The following INHBA variants were observed in gnomAD, a reference collection of about 807,000 sequenced individuals.
INHBA encodes inhibin subunit beta A.
A neutral mutation model predicts 29.0 loss-of-function variants in INHBA; 1 was observed. That is an observed-to-expected ratio of 0.03 (90% CI 0.01 to 0.16). INHBA has a LOEUF of 0.16. INHBA is among the 10% of genes least tolerant of loss of function. INHBA has a pLI of 1.00. For missense variants in INHBA, 376 were observed against 545.4 expected (o/e 0.69, Z 3.09); for synonymous variants, 242 against 216.8 (o/e 1.12, Z -1.02).
rs1306913317 is a variant in INHBA, at chr7:41,687,521, A to G, written c.*2129T>C. On this transcript the variant is annotated 3_prime_UTR_variant, in exon 3 of 3. Coordinates refer to ENST00000242208, the MANE Select transcript of INHBA (RefSeq NM_002192.4). ...ATAAACTAGATAAAAACTTGGCTTT[A>G]AGCATGTACTTTGATATTTATAAAA... 7 of 152,210 alleles carry G rather than the reference A, an allele frequency of 4.6e-5. No homozygotes were observed. Among genetic ancestry groups the G allele is most frequent in the African/African-American group, 1.7e-4 (7 of 41,454 alleles). 9.4% of individuals were successfully genotyped at this position (152,210 alleles called of 1,614,324 possible).
chr7:41,701,087 A>ATT (rs372441227), intron 1 of INHBA, among the ~76,000 whole-genome samples: 1 of 150,150 alleles, frequency 6.7e-6, no homozygotes, highest in Non-Finnish European at 1.5e-5. Flanking sequence ...TTTGTTCACT[A>ATT]TTTTTTTTTC....
chr7:41,705,341 G>C (rs1794893304), upstream of INHBA: 2 of 152,282 alleles, frequency 1.3e-5, no homozygotes, highest in African/African-American at 4.8e-5. Flanking sequence ...GCCGCTGCTC[G>C]AGCCCAGCTC....
At chr7:41,691,297 AT>A in intron 2 of INHBA, 1 of 152,426 alleles carries the variant, frequency 6.6e-6, no homozygotes, top group Non-Finnish European at 1.5e-5. Flanking sequence ...CTGCAGCAGC[AT>A]TTTCTTTACT....
At chr7:41,695,009 T>A (rs1219102680) in intron 2 of INHBA, among the ~76,000 whole-genome samples, 2 of 152,158 alleles carry the variant, frequency 1.3e-5, no homozygotes, top group Admixed American at 6.5e-5. Flanking sequence ...CATGAAGGCA[T>A]GGCAAGGGTT....
At chr7:41,705,050 TG>T (rs952130950), upstream of INHBA, among the ~76,000 whole-genome samples, 7 of 152,006 alleles carry the variant, frequency 4.6e-5, no homozygotes, top group African/African-American at 1.7e-4. Context: ...CAAATCAAGG[TG>T]GGGGTGGTGG....
chr7:41,690,016 A>G lies in INHBA; in HGVS notation c.915T>C (p.His305=). The G allele has an allele frequency of 6.2e-7, 1 of 1,614,104 alleles. No individual in the cohort carries two copies. The highest frequency in any genetic ancestry group is 8.5e-7 in the Non-Finnish European group (1 of 1,180,034). Reference sequence around the variant, plus strand: ...ACTCCAAGCCCCGCCGACGCCGGCGATGAGGGTGGTCTTCAGACTGCCGGG... The same window carrying G: ...ACTCCAAGCCCCGCCGACGCCGGCGGTGAGGGTGGTCTTCAGACTGCCGGG... The part of the protein sequence containing the change: ...LQARQSEDHP[H]RRRRRGLECD... Residue 305 remains histidine (H), a synonymous_variant, in exon 3 of 3, where the codon CAT becomes CAC. Coordinates refer to ENST00000242208, the MANE Select transcript of INHBA (RefSeq NM_002192.4).
intron 2 of INHBA, among the ~76,000 whole-genome samples, chr7:41,697,524 C>T (rs193100192): frequency 4.7e-4 from 71 of 152,226 alleles, no homozygotes; most frequent in Admixed American, 4.5e-3. Context: ...AAAAATTAAA[C>T]GTAGCCTCAA....
upstream of INHBA, among the ~76,000 whole-genome samples, chr7:41,703,344 A>G (rs879486459): frequency 5.3e-5 from 8 of 152,208 alleles, no homozygotes; most frequent in Non-Finnish European, 1.0e-4. Flanking sequence ...AAACATTGGA[A>G]TCAAATAGAT....
intron 1 of INHBA, among the ~76,000 whole-genome samples, chr7:41,702,080 T>C (rs990304074): frequency 2.0e-5 from 3 of 152,218 alleles, no homozygotes; most frequent in African/African-American, 7.2e-5. Flanking sequence ...TCTCGGTTTC[T>C]TTCCCACACA....
intron 2 of INHBA, among the ~76,000 whole-genome samples, chr7:41,690,844 C>T (rs1267518820): frequency 6.6e-6 from 1 of 152,214 alleles, no homozygotes; most frequent in African/African-American, 2.4e-5. Flanking sequence ...CATTTCTGTA[C>T]ATGCTGCCTA....
Position 41,689,743 on chromosome 7 carries a change from C to T in INHBA, c.1188G>A (p.Leu396=). 6.2e-7 allele frequency: 1 copy of T among 1,613,992 alleles called. No individual in the cohort carries two copies. Among genetic ancestry groups the T allele is most frequent in the Non-Finnish European group, 8.5e-7 (1 of 1,179,984 alleles). ...CATAGTACAACATGGACATGGGTCTCAGCTTGGTGGGCACACAGCACGATT... is the reference window on the plus strand; with the variant it reads ...CATAGTACAACATGGACATGGGTCTTAGCTTGGTGGGCACACAGCACGATT... ...NLKSCCVPTK[L]RPMSMLYYDD... The change falls in exon 3 of 3, where the codon CTG becomes CTA. Residue 396 remains leucine (L), a synonymous_variant. Transcript: ENST00000242208.
Position 41,693,406 on chromosome 7 carries a change from G to A in INHBA, c.389-2864C>T, listed in dbSNP as rs555946868. ...AAGGCTGACTACAGATGTTTAGGTG[G>A]GGGTGCCGAGGGAGGGTTACTTGGC... is the stretch of plus-strand genomic sequence containing the variant. On this transcript the variant is annotated intron_variant, in intron 2 of 2. Transcript: ENST00000242208. Among the ~76,000 whole-genome samples, 453 of 152,300 alleles carry A rather than the reference G, an allele frequency of 3.0e-3. 3 individuals carry two copies. The highest frequency in any genetic ancestry group is 7.3e-3 in the South Asian group (35 of 4,824).
At chr7:41,698,844 C>T (rs73100930) in intron 2 of INHBA, among the ~76,000 whole-genome samples, 7,984 of 152,248 alleles carry the variant, frequency 0.052, 302 homozygotes, top group Non-Finnish European at 0.079. Context: ...TATACTGCTG[C>T]GGCAAACTTT....
intron 2 of INHBA, among the ~76,000 whole-genome samples, chr7:41,695,161 T>C (rs969008460): frequency 6.6e-6 from 1 of 152,186 alleles, no homozygotes; most frequent in African/African-American, 2.4e-5. Context: ...GTGTTTCGAT[T>C]TGGTTTTGTT....
intron 2 of INHBA, among the ~76,000 whole-genome samples, chr7:41,694,583 C>A (rs561821178): frequency 5.9e-5 from 9 of 152,322 alleles, no homozygotes; most frequent in African/African-American, 2.2e-4. Context: ...CCTAGCTAAC[C>A]AGATATAGCT....
upstream of INHBA, among the ~76,000 whole-genome samples, chr7:41,703,792 C>CA: frequency 8.7e-6 from 1 of 114,836 alleles, no homozygotes; most frequent in South Asian, 2.8e-4. Context: ...CACACACACA[C>CA]AACAACAACA....
Position 41,686,603 on chromosome 7 carries a change from A to T in INHBA, c.*3047T>A, listed in dbSNP as rs970861272. On this transcript the variant is annotated 3_prime_UTR_variant, in exon 3 of 3. Transcript: ENST00000242208. ...ATACTTCTATTTCAAAGCCATATAAATTTAACAAAATTAAAGTTTGTGGGT... is the reference window on the plus strand; with the variant it reads ...ATACTTCTATTTCAAAGCCATATAATTTTAACAAAATTAAAGTTTGTGGGT... The T allele has an allele frequency of 6.6e-6, 1 of 152,222 alleles. No individual in the cohort carries two copies. Among genetic ancestry groups the T allele is most frequent in the Non-Finnish European group, 1.5e-5 (1 of 68,028 alleles). The allele number at this position is 152,222 out of a possible 1,614,324, so 9.4% of individuals were successfully genotyped here. A position where few individuals can be genotyped will look rare whatever the true frequency, so the allele number is the denominator to read the frequency against.
Position 41,686,754 on chromosome 7 carries a change from T to C in INHBA, c.*2896A>G, listed in dbSNP as rs1794401341. The C allele has an allele frequency of 6.6e-6, 1 of 152,192 alleles. No homozygotes were observed. The highest frequency in any genetic ancestry group is 2.1e-4 in the South Asian group (1 of 4,830). The allele number at this position is 152,192 out of a possible 1,614,324, so 9.4% of individuals were successfully genotyped here. ...ATCAACCCCCATGTTATCCCCGATA[T>C]GTCTAGGACTTAGCTTAAAAAGATA... On this transcript the variant is annotated 3_prime_UTR_variant, in exon 3 of 3. Coordinates refer to ENST00000242208, the MANE Select transcript of INHBA (RefSeq NM_002192.4).
chr7:41,702,357 G>C (rs1794814740), intron 1 of INHBA, among the ~76,000 whole-genome samples: 1 of 152,144 alleles, frequency 6.6e-6, no homozygotes. Context: ...TCTGTTACAA[G>C]TAACCTAACA....
Sources: allele counts gnomAD v4.1 joint callset (sites outside exome capture counted in the v4.1 genomes callset), GRCh38; gene constraint gnomAD v4.1.1; transcripts MANE v1.5; gene names NCBI Gene and HGNC (gene_info 2026-07-23, HGNC 2026-07-21).